The following PXDNL variants were observed in gnomAD, a reference collection of about 807,000 sequenced individuals.
PXDNL encodes the protein peroxidasin like.
A neutral mutation model predicts 150.8 loss-of-function variants in PXDNL; 145 were observed. The observed-to-expected ratio is 0.96, with a 90% CI of 0.84 to 1.10. The LOEUF (loss-of-function observed/expected upper bound fraction) is 1.10. PXDNL is among the 50% of genes least tolerant of loss of function. The pLI is 0.00. For missense variants in PXDNL, 2,087 were observed against 1,873.9 expected (o/e 1.11, Z -2.10); for synonymous variants, 757 against 725.7 (o/e 1.04, Z -0.69).
At chr8:51,780,992 T>C (rs1248119962) in intron 1 of PXDNL, among the ~76,000 whole-genome samples, 2 of 152,032 alleles carry the variant, frequency 1.3e-5, no homozygotes, top group African/African-American at 2.4e-5. Context: ...ACCAACCCCA[T>C]TCATGAGGGT....
At chr8:51,331,307 A>G (rs945708076) in intron 21 of PXDNL, among the ~76,000 whole-genome samples, 2 of 152,160 alleles carry the variant, frequency 1.3e-5, no homozygotes, top group African/African-American at 4.8e-5. Context: ...GGGGTGGAGG[A>G]GGCAGCAGGG....
At chr8:51,674,272 A>G (rs1196572939) in intron 1 of PXDNL, among the ~76,000 whole-genome samples, 1 of 152,130 alleles carries the variant, frequency 6.6e-6, no homozygotes, top group Non-Finnish European at 1.5e-5. Flanking sequence ...GACACATGAA[A>G]CTCAGGCTGA....
chr8:51,405,074 C>T (rs1402065125), intron 17 of PXDNL, among the ~76,000 whole-genome samples: 3 of 152,182 alleles, frequency 2.0e-5, no homozygotes, highest in Non-Finnish European at 4.4e-5. Flanking sequence ...CTGCCTGGGG[C>T]CGGCAGCCCC....
chr8:51,372,773 C>T (rs1171996733), intron 18 of PXDNL, among the ~76,000 whole-genome samples: 2 of 152,154 alleles, frequency 1.3e-5, no homozygotes, highest in African/African-American at 4.8e-5. Flanking sequence ...GAAAATAGCA[C>T]TTTTGATAAT....
intron 1 of PXDNL, among the ~76,000 whole-genome samples, chr8:51,790,391 T>C (rs1434921292): frequency 3.3e-5 from 5 of 152,230 alleles, no homozygotes; most frequent in Non-Finnish European, 4.4e-5. Flanking sequence ...CAAAGAAACA[T>C]TAAATTACTC....
intron 5 of PXDNL, among the ~76,000 whole-genome samples, chr8:51,486,965 T>C (rs867917359): frequency 1.5e-4 from 22 of 151,248 alleles, no homozygotes; most frequent in African/African-American, 5.1e-4. Flanking sequence ...CAGCTAATTT[T>C]TTGTATTTTT....
chr8:51,404,229 C>T (rs1029504430), intron 17 of PXDNL, among the ~76,000 whole-genome samples: 19 of 152,210 alleles, frequency 1.2e-4, no homozygotes, highest in Non-Finnish European at 2.2e-4. Context: ...TCCACACTGT[C>T]GAAAGAGACC....
intron 4 of PXDNL, among the ~76,000 whole-genome samples, chr8:51,534,041 A>G (rs961571203): frequency 2.9e-4 from 41 of 140,740 alleles, no homozygotes; most frequent in Non-Finnish European, 4.9e-4. Flanking sequence ...GGAAGCGAGG[A>G]GCGCCTCTTC....
intron 3 of PXDNL, among the ~76,000 whole-genome samples, chr8:51,589,200 T>A (rs1010072756): frequency 6.6e-6 from 1 of 152,172 alleles, no homozygotes; most frequent in African/African-American, 2.4e-5. Flanking sequence ...ATGAGTCGAA[T>A]AAACTTTTCT....
chr8:51,564,966 A>G (rs1363434465), intron 3 of PXDNL, among the ~76,000 whole-genome samples: 2 of 151,872 alleles, frequency 1.3e-5, no homozygotes, highest in Non-Finnish European at 2.9e-5. Context: ...TTCCCAATCT[A>G]TTGTTTCCAC....
intron 19 of PXDNL, among the ~76,000 whole-genome samples, chr8:51,357,026 T>A (rs1417209190): frequency 6.6e-6 from 1 of 152,162 alleles, no homozygotes; most frequent in Non-Finnish European, 1.5e-5. Context: ...AAGCTCTGAG[T>A]CAACTTGTAA....
At chr8:51,544,663 C>A (rs1479802290) in intron 4 of PXDNL, among the ~76,000 whole-genome samples, 9 of 152,126 alleles carry the variant, frequency 5.9e-5, no homozygotes, top group Non-Finnish European at 1.2e-4. Context: ...CTTCAATATC[C>A]CTTCCTCACC....
intron 4 of PXDNL, among the ~76,000 whole-genome samples, chr8:51,509,000 G>A (rs1811350764): frequency 6.6e-6 from 1 of 152,076 alleles, no homozygotes; most frequent in African/African-American, 2.4e-5. Context: ...CTACCCTACT[G>A]CCTCCTTACT....
chr8:51,681,079 G>A (rs1429418433), intron 1 of PXDNL, among the ~76,000 whole-genome samples: 3 of 152,094 alleles, frequency 2.0e-5, no homozygotes, highest in Admixed American at 2.0e-4. Context: ...TAAGACTGTC[G>A]ATTCAATACA....
chr8:51,390,876 C>T (rs1807879824), intron 17 of PXDNL, among the ~76,000 whole-genome samples: 1 of 151,984 alleles, frequency 6.6e-6, no homozygotes, highest in Admixed American at 6.6e-5. Flanking sequence ...GGTATATGTC[C>T]TAATGCTATC....
intron 2 of PXDNL, among the ~76,000 whole-genome samples, chr8:51,624,925 T>C (rs543332123): frequency 5.9e-4 from 89 of 152,084 alleles, no homozygotes; most frequent in African/African-American, 1.9e-3. Flanking sequence ...ACATTTTACA[T>C]AACGTAATTC....
In PXDNL at chr8:51,409,126, C is replaced by T. The variant is rs11985241; in HGVS notation, c.2498G>A (p.Ser833Asn). The T allele has an allele frequency of 0.096, 154,131 of 1,605,774 alleles. 8,819 individuals carry two copies. Among genetic ancestry groups the T allele is most frequent in the East Asian group, 0.28 (12,734 of 44,688 alleles). ...AGGAGGGTCGTTGGTGCAGACGGAG[C>T]TGCACGGCCGCCCATCCGAGAAGCG... ...TARFSDGRPC[S>N]SVCTNDPPCF... Residue 833 changes from serine to asparagine, a missense_variant, in exon 17 of 23, where the codon AGC (serine) becomes AAC (asparagine). By Grantham distance (46) the Ser-to-Asn change is conservative. Transcript: ENST00000356297.
At chr8:51,353,030 A>T (rs1042933663) in intron 19 of PXDNL, among the ~76,000 whole-genome samples, 2 of 152,152 alleles carry the variant, frequency 1.3e-5, no homozygotes, top group Admixed American at 1.3e-4. Flanking sequence ...ACTAAAAAGC[A>T]TTCCTATGTC....
At chr8:51,564,562 C>T (rs979848290) in intron 3 of PXDNL, among the ~76,000 whole-genome samples, 1 of 151,404 alleles carries the variant, frequency 6.6e-6, no homozygotes, top group African/African-American at 2.4e-5. Context: ...TACTTGGACA[C>T]ATTTGTGTCC....
Sources: gnomAD v4.1 joint callset for allele counts (sites outside exome capture counted in the v4.1 genomes callset) on GRCh38, gnomAD v4.1.1 for gene constraint, MANE v1.5 for transcripts, NCBI Gene and HGNC (gene_info 2026-07-23, HGNC 2026-07-21) for gene names.